STK33: variants seen among roughly 807,000 people sequenced by gnomAD.
The protein encoded by STK33 is serine/threonine-protein kinase 33.
In STK33, 52 loss-of-function variants were observed where a neutral mutation model predicts 58.0. The ratio of observed to expected loss-of-function variants is 0.90; its 90% CI spans 0.72 to 1.13. The LOEUF (loss-of-function observed/expected upper bound fraction) is 1.13. Among genes scored for constraint, STK33 ranks in the 50% most tolerant of loss-of-function variants. The pLI is 0.00. For missense variants in STK33, 630 were observed against 604.2 expected (o/e 1.04, Z -0.45); for synonymous variants, 215 against 200.1 (o/e 1.07, Z -0.63).
intron 1 of STK33, chr11:8,567,407 ATAT>A (rs1957525007): frequency 6.6e-6 from 1 of 152,224 alleles, no homozygotes; most frequent in Non-Finnish European, 1.5e-5. Flanking sequence ...CAGTGCTATA[ATAT>A]TATTAGTTAT....
intron 1 of STK33, among the ~76,000 whole-genome samples, chr11:8,516,897 C>T (rs141442489): frequency 0.053 from 8,083 of 152,288 alleles, 288 homozygotes; most frequent in Non-Finnish European, 0.071. Flanking sequence ...GTAGACTCCA[C>T]ATCTGGGGCA....
At chr11:8,413,749 C>A in intron 14 of STK33, 57 bp from the exon 15 acceptor site, 2 of 1,461,696 alleles carry the variant, frequency 1.4e-6, no homozygotes, top group Non-Finnish European at 1.9e-6. Context: ...TGAGACGATA[C>A]CTACATCATT....
chr11:8,338,267 C>A, the STK33 span, among the ~76,000 whole-genome samples: 1 of 152,186 alleles, frequency 6.6e-6, no homozygotes, highest in Admixed American at 6.5e-5. Context: ...ATGCCCAGCC[C>A]CGATCCTCCA....
intron 1 of STK33, among the ~76,000 whole-genome samples, chr11:8,491,408 G>C (rs552758017): frequency 2.6e-4 from 40 of 152,306 alleles, no homozygotes; most frequent in Non-Finnish European, 4.3e-4. Flanking sequence ...AGAGTAAACA[G>C]AAATGAACAA....
At chr11:8,395,401 T>C (rs530743094) in intron 15 of STK33, among the ~76,000 whole-genome samples, 50 of 152,356 alleles carry the variant, frequency 3.3e-4, no homozygotes, top group African/African-American at 1.1e-3. Flanking sequence ...TCCACCATGA[T>C]TGTGAGGCTT....
chr11:8,552,800 G>A (rs1363179861), intron 1 of STK33, among the ~76,000 whole-genome samples: 3 of 152,104 alleles, frequency 2.0e-5, no homozygotes, highest in East Asian at 3.9e-4. Flanking sequence ...ACCTGCCTGA[G>A]GCTGCTTAAC....
chr11:8,481,783 A>C (rs2138233777), intron 1 of STK33, among the ~76,000 whole-genome samples: 1 of 152,318 alleles, frequency 6.6e-6, no homozygotes, highest in East Asian at 1.9e-4. Context: ...TTTGGTTTTC[A>C]GGAGTCTAGA....
chr11:8,524,553 A>G (rs138689496), intron 1 of STK33, among the ~76,000 whole-genome samples: 140 of 152,274 alleles, frequency 9.2e-4, no homozygotes, highest in African/African-American at 3.3e-3. Flanking sequence ...GGAAATGCAA[A>G]TCAAAACCAT....
At chr11:8,552,187 C>T (rs1565343880) in intron 1 of STK33, among the ~76,000 whole-genome samples, 3 of 152,200 alleles carry the variant, frequency 2.0e-5, no homozygotes, top group African/African-American at 4.8e-5. Context: ...CTGTGAGTGG[C>T]ATTATGCCAG....
At chr11:8,415,915 T>A (rs753730889) in intron 14 of STK33, among the ~76,000 whole-genome samples, 1 of 152,180 alleles carries the variant, frequency 6.6e-6, no homozygotes, top group Non-Finnish European at 1.5e-5. Flanking sequence ...TCAGTCAACA[T>A]GGTATATGAA....
At chr11:8,398,672 G>C (rs1401757584) in intron 15 of STK33, among the ~76,000 whole-genome samples, 1 of 152,066 alleles carries the variant, frequency 6.6e-6, no homozygotes, top group Non-Finnish European at 1.5e-5. Context: ...CTGGCAAATT[G>C]GATAAAGAGT....
intron 1 of STK33, among the ~76,000 whole-genome samples, chr11:8,563,564 T>C (rs1437930423): frequency 1.3e-5 from 2 of 152,176 alleles, no homozygotes; most frequent in Non-Finnish European, 2.9e-5. Context: ...CATTCTTCAA[T>C]AGCAACAGTC....
rs1018197025 is a variant in STK33 at position 8,391,990 on chromosome 11, A to C, written c.*520T>G. 6 of 154,992 alleles carry C rather than the reference A, an allele frequency of 3.9e-5. No homozygotes were observed. The highest frequency in any genetic ancestry group is 7.2e-5 in the Non-Finnish European group (5 of 69,582). 9.6% of individuals were successfully genotyped at this position (154,992 alleles called of 1,614,324 possible). ...ACATTTAAAATAAGCTGTCTTAAAC[A>C]ATCTATAGCAACCTAAAATCTCACG... On this transcript the variant is annotated 3_prime_UTR_variant, in exon 16 of 16. Transcript: ENST00000687296.
chr11:8,396,541 C>T (rs950542092), intron 15 of STK33, among the ~76,000 whole-genome samples: 4 of 152,190 alleles, frequency 2.6e-5, no homozygotes, highest in Non-Finnish European at 5.9e-5. Context: ...CTACAGCTCC[C>T]AGCGTGAGTG....
chr11:8,428,698 A>G (rs1407416490), intron 14 of STK33, among the ~76,000 whole-genome samples: 2 of 152,164 alleles, frequency 1.3e-5, no homozygotes, highest in African/African-American at 4.8e-5. Flanking sequence ...TAAAAACAAT[A>G]CAACATTGCT....
chr11:8,342,525 T>C, the STK33 span, among the ~76,000 whole-genome samples: 1 of 152,276 alleles, frequency 6.6e-6, no homozygotes, highest in African/African-American at 2.4e-5. Flanking sequence ...GACTTCTCAA[T>C]GCTAGCTAGG....
At chr11:8,402,514 T>C (rs1938255386) in intron 15 of STK33, among the ~76,000 whole-genome samples, 1 of 152,120 alleles carries the variant, frequency 6.6e-6, no homozygotes. Flanking sequence ...CACCTAATGT[T>C]AAATGATGAG....
chr11:8,362,131 G>C, the STK33 span, among the ~76,000 whole-genome samples: 1 of 152,182 alleles, frequency 6.6e-6, no homozygotes, highest in Non-Finnish European at 1.5e-5. Flanking sequence ...GCAGAGGCTT[G>C]GGAAGGGAGG....
At position 8,454,939 on chromosome 11, in the gene STK33, T is replaced by C. The variant is rs1946673794; in HGVS notation, c.698-107A>G. 4.8e-5 allele frequency: 55 copies of C among 1,139,618 alleles called. 1 individual carries two copies. The South Asian group carries it at 9.6e-4, about 20-fold the overall frequency. The allele number at this position is 1,139,618 out of a possible 1,614,324, so 70.6% of individuals were successfully genotyped here. On this transcript the variant is annotated intron_variant, in intron 9 of 15. Transcript: ENST00000687296. ...CAAATTAATATCCGCTGTTGAAAAA[T>C]TTGAGGGCCAAGCATAGTCTGTCCT... is the stretch of plus-strand genomic sequence containing the variant.
Sources: allele counts gnomAD v4.1 joint callset (sites outside exome capture counted in the v4.1 genomes callset), GRCh38; gene constraint gnomAD v4.1.1; transcripts MANE v1.5; gene names NCBI Gene and HGNC (gene_info 2026-07-23, HGNC 2026-07-21).